Variants in MBOAT1 observed in about 807,000 individuals in gnomAD.
MBOAT1 encodes membrane-bound glycerophospholipid O-acyltransferase 1.
Under a neutral mutation model 64.4 loss-of-function variants are expected in MBOAT1, and 67 were observed. The ratio of observed to expected loss-of-function variants is 1.04; its 90% CI spans 0.85 to 1.27. The LOEUF (loss-of-function observed/expected upper bound fraction) is 1.27, where lower values mean the gene tolerates loss of function less well. Among genes scored for constraint, MBOAT1 ranks in the 50% most tolerant of loss-of-function variants. MBOAT1 has a pLI of 0.00. For missense variants in MBOAT1, 563 were observed against 604.6 expected (o/e 0.93, Z 0.72); for synonymous variants, 229 against 218.9 (o/e 1.05, Z -0.41).
intron 1 of MBOAT1, among the ~76,000 whole-genome samples, chr6:20,195,048 G>A (rs1298615683): frequency 6.6e-6 from 1 of 151,834 alleles, no homozygotes; most frequent in African/African-American, 2.4e-5. Context: ...TGCCTCCCAG[G>A]CTCAAGGAAT....
At chr6:20,152,568 C>T (rs1761547304) in intron 2 of MBOAT1, 56 bp downstream of exon 2, 2 of 1,545,456 alleles carry the variant, frequency 1.3e-6, no homozygotes, top group Middle Eastern at 3.4e-4. Context: ...ATTCCAAGGA[C>T]ATTGCCACAA....
intron 4 of MBOAT1, among the ~76,000 whole-genome samples, chr6:20,133,434 T>A (rs181802659): frequency 1.3e-5 from 2 of 152,196 alleles, no homozygotes; most frequent in Non-Finnish European, 2.9e-5. Flanking sequence ...ACCCATAACA[T>A]GTAACACATG....
intron 12 of MBOAT1, among the ~76,000 whole-genome samples, chr6:20,107,367 A>G (rs965618237): frequency 6.6e-5 from 10 of 152,028 alleles, no homozygotes; most frequent in African/African-American, 2.4e-4. Flanking sequence ...CCAAGTCTGG[A>G]GCATGGCCCA....
chr6:20,165,225 AGGGGAAAGGTTACTGT>A (rs1429792861), intron 1 of MBOAT1, among the ~76,000 whole-genome samples: 1 of 152,176 alleles, frequency 6.6e-6, no homozygotes, highest in Non-Finnish European at 1.5e-5. Flanking sequence ...CGGTACATAG[AGGGGAAAGGTTACTGT>A]GGCCAGATTC....
At position 20,183,119 on chromosome 6, in the gene MBOAT1, C is replaced by T. The variant is rs527995923; in HGVS notation, c.99+29017G>A. Among the ~76,000 whole-genome samples the T allele has an allele frequency of 5.3e-5, 8 of 152,310 alleles. No homozygotes were observed. The South Asian group carries it at 1.7e-3, about 32-fold the overall frequency. The stretch of plus-strand genomic sequence containing the variant: ...GAGAACTCCCTGTCCTCTGCGTCAC[C>T]TCCCCTTTATGACTCCCTCACTCAA... On this transcript the variant is annotated intron_variant, in intron 1 of 12. Transcript: ENST00000324607.
chr6:20,192,193 C>T (rs1277399455), intron 1 of MBOAT1, among the ~76,000 whole-genome samples: 1 of 152,178 alleles, frequency 6.6e-6, no homozygotes, highest in Non-Finnish European at 1.5e-5. Flanking sequence ...GTACACTAAA[C>T]TTATTTGCAT....
At chr6:20,155,432 G>GT (rs1444680935) in intron 1 of MBOAT1, among the ~76,000 whole-genome samples, 1 of 152,182 alleles carries the variant, frequency 6.6e-6, no homozygotes, top group Non-Finnish European at 1.5e-5. Flanking sequence ...TGAAATAACA[G>GT]TAAGACACTG....
intron 1 of MBOAT1, among the ~76,000 whole-genome samples, chr6:20,205,679 C>G (rs9358311): frequency 0.96 from 146,042 of 152,206 alleles, 70,327 homozygotes; most frequent in East Asian, 1. Flanking sequence ...CTCTGCAACT[C>G]TGTGGACCTG....
At chr6:20,168,625 AGAGAAGAGAAGAG>A (rs1467179813) in intron 1 of MBOAT1, among the ~76,000 whole-genome samples, 4 of 108,466 alleles carry the variant, frequency 3.7e-5, no homozygotes, top group Non-Finnish European at 6.1e-5. Flanking sequence ...AGAGAAGAGA[AGAGAAGAGAAGAG>A]AAGAGAGGAG....
chr6:20,126,475 C>T lies in MBOAT1; in HGVS notation c.714+42G>A, dbSNP rs1210574969. ...TAGAACCATTATTAGAGAGAGTCAA[C>T]CCTGGCAGCAAAACCCTATTCTCTA... On this transcript the variant is annotated intron_variant, in intron 7 of 12. Transcript: ENST00000324607. 3 of 1,530,178 alleles carry T rather than the reference C, an allele frequency of 2.0e-6. No homozygotes were observed. The African/African-American group carries it at 4.2e-5, about 21-fold the overall frequency. 94.8% of individuals were successfully genotyped at this position (1,530,178 alleles called of 1,614,324 possible).
At chr6:20,103,592 C>T (rs1759865951) in intron 12 of MBOAT1, among the ~76,000 whole-genome samples, 1 of 151,946 alleles carries the variant, frequency 6.6e-6, no homozygotes, top group Non-Finnish European at 1.5e-5. Context: ...CACGCTCGGC[C>T]AATTTTGTAT....
intron 1 of MBOAT1, among the ~76,000 whole-genome samples, chr6:20,168,534 A>AGAGGAGAGGG (rs1762080430): frequency 7.0e-6 from 1 of 141,960 alleles, no homozygotes; most frequent in Non-Finnish European, 1.5e-5. Flanking sequence ...AGAGAAGAGG[A>AGAGGAGAGGG]GAGGAGAGGA....
intron 4 of MBOAT1, among the ~76,000 whole-genome samples, chr6:20,138,141 T>C (rs1019993346): frequency 6.6e-6 from 1 of 152,190 alleles, no homozygotes; most frequent in African/African-American, 2.4e-5. Context: ...GAGGGATTTA[T>C]GGTAGTGAGG....
chr6:20,103,230 T>C (rs999192696), intron 12 of MBOAT1, among the ~76,000 whole-genome samples: 4 of 152,136 alleles, frequency 2.6e-5, no homozygotes, highest in African/African-American at 9.7e-5. Flanking sequence ...TGGAACAAGA[T>C]GTGGAGGTGG....
chr6:20,118,374 A>G, intron 9 of MBOAT1, 63 bp downstream of exon 9: 1 of 1,332,346 alleles, frequency 7.5e-7, no homozygotes, highest in Non-Finnish European at 1.1e-6. Flanking sequence ...TGGGGATACA[A>G]CACTCAAAGC....
intron 4 of MBOAT1, 27 bp downstream of exon 4, chr6:20,144,193 C>T (rs761541636): frequency 1.2e-5 from 18 of 1,480,500 alleles, no homozygotes; most frequent in Non-Finnish European, 1.7e-5. Context: ...AGCAGTAAAA[C>T]CCCTCTCTCT....
chr6:20,137,946 T>C (rs1341115922), intron 4 of MBOAT1, among the ~76,000 whole-genome samples: 5 of 152,220 alleles, frequency 3.3e-5, no homozygotes, highest in Non-Finnish European at 7.3e-5. Context: ...AAACAAGATA[T>C]TTCAACTGCA....
intron 1 of MBOAT1, among the ~76,000 whole-genome samples, chr6:20,180,431 T>A (rs1418508236): frequency 1.3e-5 from 2 of 152,288 alleles, no homozygotes; most frequent in East Asian, 3.9e-4. Context: ...CCCTGCTATG[T>A]TCCCTTATTG....
chr6:20,123,929 A>G (rs963751801), intron 8 of MBOAT1, among the ~76,000 whole-genome samples: 16 of 152,192 alleles, frequency 1.1e-4, no homozygotes, highest in East Asian at 3.9e-4. Context: ...GTGGTGGCGG[A>G]CGCCTGTAGT....
Sources: allele counts gnomAD v4.1 joint callset (sites outside exome capture counted in the v4.1 genomes callset), GRCh38; gene constraint gnomAD v4.1.1; transcripts MANE v1.5; gene names NCBI Gene and HGNC (gene_info 2026-07-23, HGNC 2026-07-21).